The following PUM1 variants were observed in gnomAD, a reference collection of about 807,000 sequenced individuals.
PUM1 encodes the protein pumilio homolog 1.
In PUM1, 13 loss-of-function variants were observed where a neutral mutation model predicts 131.8. The observed-to-expected ratio is 0.10, with a 90% CI of 0.06 to 0.16. The LOEUF (loss-of-function observed/expected upper bound fraction) is 0.16, where lower values mean the gene tolerates loss of function less well. PUM1 is among the 10% of genes least tolerant of loss of function. The probability of loss-of-function intolerance (pLI) is 1.00; values close to 1 mark genes in which losing one functional copy is unlikely to be tolerated. For synonymous variants in PUM1, 509 were observed against 556.5 expected (o/e 0.91, Z 1.20); for missense variants, 961 against 1,512.4 (o/e 0.64, Z 6.05).
chr1:31,050,913 C>A, intron 2 of PUM1: 1 of 257,524 alleles, frequency 3.9e-6, no homozygotes, highest in South Asian at 4.4e-5. Flanking sequence ...CGCAAAAATT[C>A]AGCCAGGGTT....
intron 2 of PUM1, among the ~76,000 whole-genome samples, chr1:31,035,897 T>C (rs942362744): frequency 6.6e-6 from 1 of 152,234 alleles, no homozygotes; most frequent in Non-Finnish European, 1.5e-5. Context: ...TATTGCATGA[T>C]GTTATGAATG....
At position 31,028,968 on chromosome 1, in the gene PUM1, T is replaced by C. The variant is rs1180722616; in HGVS notation, c.364-104A>G. ...TTTATTCTATGTTTACTTTCAGACATTGGCAAAGACAATAGCAATGATCAA... is the reference window on the plus strand; with the variant it reads ...TTTATTCTATGTTTACTTTCAGACACTGGCAAAGACAATAGCAATGATCAA... On this transcript the variant is annotated intron_variant, in intron 2 of 21. Coordinates refer to ENST00000426105, the MANE Select transcript of PUM1 (RefSeq NM_001020658.2). 8 of 898,468 alleles carry C rather than the reference T, an allele frequency of 8.9e-6. No individual in the cohort carries two copies. In the East Asian group the frequency reaches 1.2e-4, roughly 14 times the overall value. The allele number at this position is 898,468 out of a possible 1,614,324, so 55.7% of individuals were successfully genotyped here. A position where few individuals can be genotyped will look rare whatever the true frequency, so the allele number is the denominator to read the frequency against.
chr1:31,047,151 T>C (rs376357511), intron 2 of PUM1, among the ~76,000 whole-genome samples: 3 of 152,224 alleles, frequency 2.0e-5, no homozygotes, highest in African/African-American at 4.8e-5. Flanking sequence ...ATTGCACCAT[T>C]GCACTCCAGC....
chr1:30,984,822 T>C (rs1253309767), intron 7 of PUM1, among the ~76,000 whole-genome samples: 3 of 152,222 alleles, frequency 2.0e-5, no homozygotes, highest in Non-Finnish European at 2.9e-5. Context: ...TTGTTATCAA[T>C]AGCAGTTGCT....
intron 20 of PUM1, 31 bp downstream of exon 20, chr1:30,941,120 G>C (rs1188168708): frequency 6.3e-7 from 1 of 1,590,226 alleles, no homozygotes; most frequent in South Asian, 1.1e-5. Flanking sequence ...CTCTCTTCTG[G>C]GAAATAGTCC....
rs540649287 is a variant in PUM1 at position 30,956,457 on chromosome 1, T to G, written c.2324-2476A>C. 2.0e-5 allele frequency among the ~76,000 whole-genome samples: 3 copies of G among 152,062 alleles called. No individual in the cohort carries two copies. In the East Asian group the frequency reaches 5.8e-4, roughly 29 times the overall value. ...TTTTGTACTTTTAGTAGAGATGGGG[T>G]TTCACCATGTTGGCCAGACTACTCT... is the stretch of plus-strand genomic sequence containing the variant. On this transcript the variant is annotated intron_variant, in intron 14 of 21. Coordinates refer to ENST00000426105, the MANE Select transcript of PUM1 (RefSeq NM_001020658.2).
chr1:31,038,383 G>A (rs1643688023), intron 2 of PUM1, among the ~76,000 whole-genome samples: 1 of 152,088 alleles, frequency 6.6e-6, no homozygotes, highest in African/African-American at 2.4e-5. Flanking sequence ...ACTAGGCATT[G>A]CAGAAATGTA....
At chr1:31,056,609 C>CTT (rs57685772) in intron 2 of PUM1, among the ~76,000 whole-genome samples, 597 of 43,674 alleles carry the variant, frequency 0.014, 104 homozygotes, top group Non-Finnish European at 0.019. Context: ...CTTTTCTTTT[C>CTT]TTTTTTTTTT....
chr1:31,036,165 G>A (rs1643605289), intron 2 of PUM1, among the ~76,000 whole-genome samples: 1 of 151,970 alleles, frequency 6.6e-6, no homozygotes, highest in African/African-American at 2.4e-5. Context: ...TGCCTCCCGA[G>A]TTCAAGCAAT....
At chr1:30,955,544 A>G (rs1360432325) in intron 14 of PUM1, among the ~76,000 whole-genome samples, 1 of 152,112 alleles carries the variant, frequency 6.6e-6, no homozygotes, top group Non-Finnish European at 1.5e-5. Flanking sequence ...TTTGATTGCA[A>G]TAGAAAAAAG....
At chr1:30,949,061 C>T (rs1037932205) in intron 17 of PUM1, 2 of 452,108 alleles carry the variant, frequency 4.4e-6, no homozygotes, top group African/African-American at 4.0e-5. Context: ...CCACTGCCAA[C>T]ACCAGTGCAG....
intron 20 of PUM1, among the ~76,000 whole-genome samples, chr1:30,940,449 C>G (rs771524376): frequency 6.6e-6 from 1 of 152,232 alleles, no homozygotes; most frequent in Non-Finnish European, 1.5e-5. Flanking sequence ...GCACTCAAGC[C>G]TGGGCGACAG....
chr1:30,948,228 A>T (rs1639764106), intron 17 of PUM1, among the ~76,000 whole-genome samples: 1 of 152,214 alleles, frequency 6.6e-6, no homozygotes, highest in Non-Finnish European at 1.5e-5. Flanking sequence ...TGAAGCTTAT[A>T]CAAAAATAAA....
At chr1:30,962,259 A>G (rs1640444284) in intron 14 of PUM1, among the ~76,000 whole-genome samples, 1 of 152,198 alleles carries the variant, frequency 6.6e-6, no homozygotes, top group South Asian at 2.1e-4. Context: ...AACTCACACT[A>G]ATAGTTATTT....
intron 18 of PUM1, among the ~76,000 whole-genome samples, chr1:30,944,063 T>C (rs1466238161): frequency 6.6e-6 from 1 of 152,244 alleles, no homozygotes; most frequent in African/African-American, 2.4e-5. Context: ...TTTATCTTTT[T>C]TGTTGTATAA....
At chr1:30,955,959 G>A (rs760279036) in intron 14 of PUM1, among the ~76,000 whole-genome samples, 3 of 152,194 alleles carry the variant, frequency 2.0e-5, no homozygotes, top group Non-Finnish European at 4.4e-5. Flanking sequence ...TTTGGAAAAG[G>A]AGTTTGCAAC....
At chr1:30,998,933 T>A (rs779664946) in intron 5 of PUM1, among the ~76,000 whole-genome samples, 3 of 152,254 alleles carry the variant, frequency 2.0e-5, no homozygotes, top group African/African-American at 7.2e-5. Flanking sequence ...CTAAGTTTTA[T>A]GAAAATTTTA....
intron 5 of PUM1, among the ~76,000 whole-genome samples, chr1:30,999,781 A>C (rs1405092931): frequency 6.6e-6 from 1 of 152,186 alleles, no homozygotes; most frequent in Non-Finnish European, 1.5e-5. Context: ...CATGCCTAAA[A>C]GTTTTATAAA....
At chr1:30,989,942 A>G (rs1641722805) in intron 7 of PUM1, among the ~76,000 whole-genome samples, 1 of 152,234 alleles carries the variant, frequency 6.6e-6, no homozygotes, top group African/African-American at 2.4e-5. Flanking sequence ...GAGAGAGACC[A>G]TGGCTTCTGA....
Sources: allele counts gnomAD v4.1 joint callset (sites outside exome capture counted in the v4.1 genomes callset), GRCh38; gene constraint gnomAD v4.1.1; transcripts MANE v1.5; gene names NCBI Gene and HGNC (gene_info 2026-07-23, HGNC 2026-07-21).